The following CDK17 variants were observed in gnomAD, a reference collection of about 807,000 sequenced individuals.
CDK17 encodes the protein cyclin-dependent kinase 17.
Under a neutral mutation model 77.6 loss-of-function variants are expected in CDK17, and 24 were observed. That is an observed-to-expected ratio of 0.31 (90% CI 0.22 to 0.44). The LOEUF (loss-of-function observed/expected upper bound fraction) is 0.44. Ranked by LOEUF, CDK17 falls within the 20% of genes least tolerant of loss-of-function variation. CDK17 has a pLI of 1.00. For synonymous variants in CDK17, 203 were observed against 210.4 expected, an observed-to-expected ratio of 0.96 and a Z score of 0.30; for missense variants, 429 against 622.5, an observed-to-expected ratio of 0.69 and a Z score of 3.31.
In CDK17 at chr12:96,400,346, G is replaced by C; in HGVS notation, c.-390C>G. On this transcript the variant is annotated 5_prime_UTR_variant, in exon 1 of 17. Transcript: ENST00000261211. ...GCCGGGCGCTGGCTCCTTCTCCGCGGCTCTGCGGCGGCCCGCGGGGAGCTC... is the reference window on the plus strand; with the variant it reads ...GCCGGGCGCTGGCTCCTTCTCCGCGCCTCTGCGGCGGCCCGCGGGGAGCTC... 1 of 387,016 alleles carries C rather than the reference G, an allele frequency of 2.6e-6. No individual in the cohort carries two copies. The highest frequency in any genetic ancestry group is 4.6e-6 in the Non-Finnish European group (1 of 218,776). The allele number at this position is 387,016 out of a possible 1,614,324, so 24.0% of individuals were successfully genotyped here. A position where few individuals can be genotyped will look rare whatever the true frequency, so the allele number is the denominator to read the frequency against.
At chr12:96,340,710 C>G (rs751809550) in intron 1 of CDK17, among the ~76,000 whole-genome samples, 15 of 152,220 alleles carry the variant, frequency 9.9e-5, no homozygotes, top group Middle Eastern at 3.4e-3. Flanking sequence ...TAAGGTTAAT[C>G]TTTAATATTT....
chr12:96,367,339 C>A, intron 1 of CDK17, among the ~76,000 whole-genome samples: 1 of 76,638 alleles, frequency 1.3e-5, no homozygotes, highest in African/African-American at 5.9e-5. Context: ...AATGAGACTC[C>A]ACCTCAAAAA....
chr12:96,360,980 G>A (rs575071990), intron 1 of CDK17, among the ~76,000 whole-genome samples: 1 of 152,322 alleles, frequency 6.6e-6, no homozygotes, highest in Non-Finnish European at 1.5e-5. Context: ...CACAGACATA[G>A]TAAATGCAAA....
intron 5 of CDK17, among the ~76,000 whole-genome samples, chr12:96,307,625 CTG>C (rs1466267289): frequency 1.3e-5 from 2 of 152,116 alleles, no homozygotes; most frequent in Non-Finnish European, 2.9e-5. Flanking sequence ...AATCCCAACA[CTG>C]TGGGAGGCTG....
Position 96,378,200 on chromosome 12 carries a change from T to C in CDK17, c.-30+21786A>G, listed in dbSNP as rs1338458456. 2.0e-5 allele frequency among the ~76,000 whole-genome samples: 3 copies of C among 152,366 alleles called. 1 individual carries two copies. The highest frequency in any genetic ancestry group is 3.9e-4 in the East Asian group (2 of 5,190). On this transcript the variant is annotated intron_variant, in intron 1 of 16. Transcript: ENST00000261211. ...TCCTTGAGGGCTGTGTATCTAATTA[T>C]GCACAGATTTGTCTATTCTTCCCCC...
intron 2 of CDK17, among the ~76,000 whole-genome samples, chr12:96,328,256 G>T (rs561120393): frequency 9.9e-5 from 15 of 152,210 alleles, no homozygotes; most frequent in African/African-American, 3.6e-4. Flanking sequence ...CTAGTTGTAG[G>T]AAGACAAGGG....
intron 2 of CDK17, among the ~76,000 whole-genome samples, chr12:96,324,464 G>C (rs1952866578): frequency 6.6e-6 from 1 of 152,018 alleles, no homozygotes; most frequent in African/African-American, 2.4e-5. Context: ...GACTACCTGT[G>C]TGCCTTATTT....
At chr12:96,317,212 C>T (rs11108467) in intron 3 of CDK17, among the ~76,000 whole-genome samples, 3 of 148,564 alleles carry the variant, frequency 2.0e-5, no homozygotes, top group African/African-American at 2.5e-5. Context: ...TATCAGCGAT[C>T]GAAGATGAAA....
chr12:96,305,146 A>G (rs1446226503), intron 5 of CDK17, among the ~76,000 whole-genome samples: 3 of 152,208 alleles, frequency 2.0e-5, no homozygotes, highest in Non-Finnish European at 2.9e-5. Context: ...CTATTCTAAT[A>G]TTTAACTAAA....
intron 3 of CDK17, among the ~76,000 whole-genome samples, chr12:96,323,634 T>C (rs574724232): frequency 3.5e-4 from 53 of 152,238 alleles, no homozygotes; most frequent in African/African-American, 1.3e-3. Flanking sequence ...TATATGGTGA[T>C]GATCTGAAAA....
At position 96,355,315 on chromosome 12, in the gene CDK17, G is replaced by C. The variant is rs115048914; in HGVS notation, c.-29-20450C>G. On this transcript the variant is annotated intron_variant, in intron 1 of 16. Coordinates refer to ENST00000261211, the MANE Select transcript of CDK17 (RefSeq NM_002595.5). Reference sequence around the variant, plus strand: ...CTGGTCACCTTGTACAAAACAGTGAGAACTCTACACGCAGCTAACACTCTA... The same window carrying C: ...CTGGTCACCTTGTACAAAACAGTGACAACTCTACACGCAGCTAACACTCTA... 3.5e-3 allele frequency among the ~76,000 whole-genome samples: 519 copies of C among 150,098 alleles called. 2 individuals are homozygous for C. The highest frequency in any genetic ancestry group is 0.011 in the African/African-American group (445 of 40,768).
intron 1 of CDK17, among the ~76,000 whole-genome samples, chr12:96,395,089 C>T (rs1218925633): frequency 1.3e-5 from 2 of 152,146 alleles, no homozygotes; most frequent in East Asian, 1.9e-4. Context: ...TTGGCCAGGC[C>T]GGACTGGAAC....
chr12:96,295,320 A>G (rs1952388426), intron 9 of CDK17, 198 bp from the exon 10 acceptor site: 1 of 383,218 alleles, frequency 2.6e-6, no homozygotes, highest in Non-Finnish European at 4.6e-6. Flanking sequence ...ATTCTATTTG[A>G]AGCATCTACC....
At chr12:96,300,539 G>C (rs779658358) in intron 5 of CDK17, among the ~76,000 whole-genome samples, 179 bp from the exon 6 acceptor site, 2 of 152,074 alleles carry the variant, frequency 1.3e-5, no homozygotes, top group Non-Finnish European at 2.9e-5. Context: ...TGGGATTACA[G>C]GCACGCAGCA....
intron 1 of CDK17, among the ~76,000 whole-genome samples, chr12:96,357,900 A>G (rs1953424986): frequency 6.6e-6 from 1 of 152,208 alleles, no homozygotes; most frequent in Admixed American, 6.5e-5. Flanking sequence ...CCGTAATAGC[A>G]TAATACTAGA....
At chr12:96,341,644 C>T (rs1233612014) in intron 1 of CDK17, among the ~76,000 whole-genome samples, 1 of 152,084 alleles carries the variant, frequency 6.6e-6, no homozygotes, top group African/African-American at 2.4e-5. Flanking sequence ...ATTCTATTTA[C>T]TTAAGGAATA....
At chr12:96,343,019 G>C (rs1953144550) in intron 1 of CDK17, among the ~76,000 whole-genome samples, 1 of 151,952 alleles carries the variant, frequency 6.6e-6, no homozygotes, top group African/African-American at 2.4e-5. Flanking sequence ...CTTTTCTTTT[G>C]ATAGTATGAA....
chr12:96,313,517 C>G, intron 3 of CDK17, 63 bp from the exon 4 acceptor site: 1 of 952,620 alleles, frequency 1.0e-6, no homozygotes, highest in South Asian at 2.5e-5. Context: ...TTTATTATCA[C>G]TATGGGTAAA....
chr12:96,294,611 A>AAAAAAAAAAAAAAAAAAAAAT lies in CDK17; in HGVS notation c.997+387_997+388insATTTTTTTTTTTTTTTTTTTT, dbSNP rs71097274. Among the ~76,000 whole-genome samples, 21 of 121,314 alleles carry AAAAAAAAAAAAAAAAAAAAAT rather than the reference A, an allele frequency of 1.7e-4. 2 individuals are homozygous for AAAAAAAAAAAAAAAAAAAAAT. The highest frequency in any genetic ancestry group is 2.6e-4 in the Non-Finnish European group (15 of 57,752). 79.6% of individuals were successfully genotyped at this position (121,314 alleles called of 152,430 possible). ...AAAAAAAAAAAAAAAAAAAAAAAAA[A>AAAAAAAAAAAAAAAAAAAAAT]GATATATTTTGGTGCCACTACTTTG... On this transcript the variant is annotated intron_variant, in intron 10 of 16. Coordinates refer to ENST00000261211, the MANE Select transcript of CDK17 (RefSeq NM_002595.5).
Sources: allele counts gnomAD v4.1 joint callset (sites outside exome capture counted in the v4.1 genomes callset), GRCh38; gene constraint gnomAD v4.1.1; transcripts MANE v1.5; gene names NCBI Gene and HGNC (gene_info 2026-07-23, HGNC 2026-07-21).